Variants in LRP5 observed in about 807,000 individuals in gnomAD.
LRP5 encodes LDL receptor related protein 5, also known as low-density lipoprotein receptor-related protein 5.
LRP5 carries 62 observed loss-of-function variants against 154.1 expected under a neutral mutation model. That is an observed-to-expected ratio of 0.40 (90% CI 0.33 to 0.50). LRP5 has a LOEUF of 0.50. LRP5 is among the 20% of genes least tolerant of loss of function. The pLI is 0.55. For synonymous variants in LRP5, 966 were observed against 1,011.5 expected (o/e 0.96, Z 0.85); for missense variants, 1,915 against 2,336.7 (o/e 0.82, Z 3.72).
chr11:68,370,408 AG>A (rs1026881218), intron 5 of LRP5, among the ~76,000 whole-genome samples: 3 of 151,938 alleles, frequency 2.0e-5, no homozygotes, highest in African/African-American at 7.3e-5. Flanking sequence ...CTGCGCTCAC[AG>A]GGGGTGGTTA....
At chr11:68,365,521 G>A (rs770189454) in intron 4 of LRP5, 50 bp from the exon 5 acceptor site, 1 of 1,612,730 alleles carries the variant, frequency 6.2e-7, no homozygotes, top group South Asian at 1.1e-5. Flanking sequence ...TCAGAAACAA[G>A]TGACGGTCCT....
At chr11:68,396,075 A>G (rs923090173) in intron 7 of LRP5, among the ~76,000 whole-genome samples, 5 of 151,948 alleles carry the variant, frequency 3.3e-5, no homozygotes, top group East Asian at 3.9e-4. Flanking sequence ...GTCCCAGGCA[A>G]TGGCGGGGAC....
chr11:68,446,576 C>A, intron 22 of LRP5, 43 bp downstream of exon 22: 1 of 1,531,176 alleles, frequency 6.5e-7, no homozygotes, highest in South Asian at 1.1e-5. Context: ...TGGGTTCCCG[C>A]CAGCCCGTGG....
chr11:68,388,842 T>G (rs910477534), intron 6 of LRP5, among the ~76,000 whole-genome samples: 5 of 152,138 alleles, frequency 3.3e-5, no homozygotes, highest in African/African-American at 1.2e-4. Context: ...GGCATCCCTG[T>G]CCCAGGGGAG....
intron 1 of LRP5, among the ~76,000 whole-genome samples, chr11:68,323,669 C>T (rs566274625): frequency 1.3e-5 from 2 of 152,222 alleles, no homozygotes; most frequent in Non-Finnish European, 2.9e-5. Context: ...ATCCTCTTGC[C>T]TCAGCTTCCC....
intron 7 of LRP5, among the ~76,000 whole-genome samples, chr11:68,397,778 G>A (rs746276797): frequency 7.2e-5 from 11 of 152,224 alleles, no homozygotes; most frequent in African/African-American, 2.7e-4. Flanking sequence ...GACTCAGGAC[G>A]TACCAGGTCT....
At chr11:68,368,223 G>A (rs1186570522) in intron 5 of LRP5, among the ~76,000 whole-genome samples, 2 of 152,218 alleles carry the variant, frequency 1.3e-5, no homozygotes, top group Non-Finnish European at 2.9e-5. Context: ...GTGTGGTGGG[G>A]GCCATGTCAG....
intron 14 of LRP5, among the ~76,000 whole-genome samples, chr11:68,424,189 C>G (rs995355978): frequency 1.1e-4 from 16 of 152,148 alleles, no homozygotes; most frequent in African/African-American, 3.9e-4. Flanking sequence ...AGACCGAAAC[C>G]CATGTGACAT....
At chr11:68,310,887 G>A (rs2098587348), upstream of LRP5, among the ~76,000 whole-genome samples, 1 of 152,052 alleles carries the variant, frequency 6.6e-6, no homozygotes, top group South Asian at 2.1e-4. Flanking sequence ...ATGTGGGAAG[G>A]GAGTGGCTAA....
At chr11:68,359,248 G>A (rs1281311175) in intron 3 of LRP5, among the ~76,000 whole-genome samples, 1 of 152,180 alleles carries the variant, frequency 6.6e-6, no homozygotes, top group Non-Finnish European at 1.5e-5. Context: ...TTTGAGTGAG[G>A]CCGGGACATC....
Position 68,448,831 on chromosome 11 carries a change from G to A in LRP5, c.4609G>A (p.Ala1537Thr), listed in dbSNP as rs144376510. ...PYRPYIIRGMAPPTTPCSTDV... is the reference protein window; with the variant it reads ...PYRPYIIRGMTPPTTPCSTDV... ...CAGGCCCTACATCATTCGAGGAATGGCGCCCCCGACGACGCCCTGCAGCAC... is the reference window on the plus strand; with the variant it reads ...CAGGCCCTACATCATTCGAGGAATGACGCCCCCGACGACGCCCTGCAGCAC... The change falls in exon 23 of 23, where the codon GCG (alanine) becomes ACG (threonine). Residue 1537 changes from alanine (A) to threonine (T), a missense_variant. By Grantham distance (58) the Ala-to-Thr change is moderately conservative. Around this residue, in one of 3 missense-constraint regions of LRP5, gnomAD observed 1,094 missense variants for 1,210.1 expected, o/e 0.90. Transcript: ENST00000294304. 10 of 1,608,110 alleles carry A rather than the reference G, an allele frequency of 6.2e-6. No individual in the cohort carries two copies. Among genetic ancestry groups the A allele is most frequent in the Non-Finnish European group, 8.5e-6 (10 of 1,179,974 alleles).
intron 12 of LRP5, among the ~76,000 whole-genome samples, chr11:68,414,274 A>C (rs1265139072): frequency 6.6e-6 from 1 of 152,204 alleles, no homozygotes; most frequent in East Asian, 1.9e-4. Context: ...TGTGAAAACC[A>C]GTCACAGGGG....
chr11:68,364,638 C>T (rs578144667), intron 4 of LRP5, among the ~76,000 whole-genome samples: 3 of 152,230 alleles, frequency 2.0e-5, no homozygotes, highest in Admixed American at 2.0e-4. Context: ...GCTTCTGTGA[C>T]AGTGGGGCTG....
chr11:68,433,523 C>A, intron 17 of LRP5, 79 bp from the exon 18 acceptor site: 1 of 1,290,602 alleles, frequency 7.7e-7, no homozygotes, highest in Non-Finnish European at 1.1e-6. Context: ...TCAACTTCTG[C>A]TTTGAAGCCC....
chr11:68,310,549 G>A (rs1280927179), upstream of LRP5, among the ~76,000 whole-genome samples: 1 of 152,180 alleles, frequency 6.6e-6, no homozygotes, highest in Non-Finnish European at 1.5e-5. Flanking sequence ...GAGCCTGGGA[G>A]GCAGAGGTTG....
chr11:68,336,198 C>T (rs529026273), intron 1 of LRP5, among the ~76,000 whole-genome samples: 1 of 152,156 alleles, frequency 6.6e-6, no homozygotes, highest in East Asian at 1.9e-4. Context: ...ACAAGCCGAG[C>T]ATGGGGCATC....
intron 1 of LRP5, among the ~76,000 whole-genome samples, chr11:68,334,199 A>T (rs1011201037): frequency 1.3e-5 from 2 of 152,154 alleles, no homozygotes; most frequent in African/African-American, 4.8e-5. Context: ...GTGCCACTGC[A>T]CTCCAGCCTG....
At chr11:68,354,990 G>T (rs1445409359) in intron 2 of LRP5, among the ~76,000 whole-genome samples, 3 of 152,198 alleles carry the variant, frequency 2.0e-5, no homozygotes. Flanking sequence ...AGGGAAGAGG[G>T]CATGTTTGGT....
At chr11:68,429,500 C>G (rs139184893) in intron 16 of LRP5, 75 bp from the exon 17 acceptor site, 14 of 1,597,090 alleles carry the variant, frequency 8.8e-6, no homozygotes, top group Admixed American at 1.7e-5. Flanking sequence ...TCTCATTTGG[C>G]CCCTACCCTC....
Sources: allele counts gnomAD v4.1 joint callset (sites outside exome capture counted in the v4.1 genomes callset), GRCh38; gene constraint gnomAD v4.1.1; regional missense constraint gnomAD v4.1.1; transcripts MANE v1.5; gene names NCBI Gene and HGNC (gene_info 2026-07-23, HGNC 2026-07-21).